TADA2A: variants seen among roughly 807,000 people sequenced by gnomAD.
TADA2A encodes transcriptional adapter 2-alpha.
In TADA2A, 38 loss-of-function variants were observed where a neutral mutation model predicts 67.4. That is an observed-to-expected ratio of 0.56 (90% CI 0.44 to 0.74). The LOEUF is 0.74. Among genes scored for constraint, TADA2A ranks in the 30% least tolerant of loss-of-function variants. The pLI, the probability that TADA2A is intolerant of heterozygous loss-of-function variation, is 0.00. For synonymous variants in TADA2A, 192 were observed against 181.6 expected, an observed-to-expected ratio of 1.06 and a Z score of -0.46; for missense variants, 454 against 547.0, an observed-to-expected ratio of 0.83 and a Z score of 1.70.
At chr17:37,419,032 C>CT (rs1330234623) in intron 2 of TADA2A, among the ~76,000 whole-genome samples, 1 of 146,026 alleles carries the variant, frequency 6.8e-6, no homozygotes, top group Non-Finnish European at 1.5e-5. Flanking sequence ...AGCCCAGCCT[C>CT]TACTTTTGTT....
intron 2 of TADA2A, among the ~76,000 whole-genome samples, chr17:37,412,468 T>C (rs2147897636): frequency 6.6e-6 from 1 of 151,934 alleles, no homozygotes; most frequent in Admixed American, 6.6e-5. Flanking sequence ...TGAAGTAAAT[T>C]CAAGTAGCCA....
intron 5 of TADA2A, among the ~76,000 whole-genome samples, chr17:37,439,939 TTTATTA>T (rs869063339): frequency 0.019 from 410 of 22,072 alleles, 1 homozygote; most frequent in Middle Eastern, 0.067. Context: ...TATTTATTTA[TTTATTA>T]TTTTTTTTTT....
chr17:37,439,934 ATTTATTTATTATTTT>A, intron 5 of TADA2A, among the ~76,000 whole-genome samples: 1 of 88,900 alleles, frequency 1.1e-5, no homozygotes, highest in African/African-American at 4.6e-5. Context: ...TTATTTATTT[ATTTATTTATTATTTT>A]TTTTTTTTTT....
intron 1 of TADA2A, 28 bp downstream of exon 1, chr17:37,406,977 C>T (rs2051559898): frequency 1.9e-5 from 1 of 52,256 alleles, no homozygotes; most frequent in African/African-American, 6.0e-5. Context: ...GCTGGGCGGG[C>T]GGGCGGGCGG....
In TADA2A at chr17:37,478,577, T is replaced by C. The variant is rs1378684051; in HGVS notation, c.*1595T>C. 2.0e-5 allele frequency: 3 copies of C among 152,204 alleles called. No homozygotes were observed. The highest frequency in any genetic ancestry group is 7.2e-5 in the African/African-American group (3 of 41,456). The allele number at this position is 152,204 out of a possible 1,614,324, so 9.4% of individuals were successfully genotyped here. On this transcript the variant is annotated 3_prime_UTR_variant, in exon 16 of 16. Coordinates refer to ENST00000615182, the MANE Select transcript of TADA2A (RefSeq NM_001166105.3). ...TATGAGGGTAAGTAGCCCCACCACA[T>C]GTAAAACTTGGTCCTCAAACGTTTC...
In TADA2A at chr17:37,478,852, C is replaced by CT. The variant is rs925556830; in HGVS notation, c.*1871dup. On this transcript the variant is annotated 3_prime_UTR_variant, in exon 16 of 16. Coordinates refer to ENST00000615182, the MANE Select transcript of TADA2A (RefSeq NM_001166105.3). ...AGGGATAAGAAATGAAAAAGACACT[C>CT]TAAGGACCTGAGGGAATTCAAATAG... is the stretch of plus-strand genomic sequence containing the variant. The CT allele has an allele frequency of 2.0e-4, 31 of 152,174 alleles. No homozygotes were observed. Among genetic ancestry groups the CT allele is most frequent in the African/African-American group, 7.5e-4 (31 of 41,430 alleles). 9.4% of individuals were successfully genotyped at this position (152,174 alleles called of 1,614,324 possible).
chr17:37,458,626 G>T, intron 9 of TADA2A, 39 bp downstream of exon 9: 2 of 1,513,672 alleles, frequency 1.3e-6, no homozygotes, highest in Non-Finnish European at 1.8e-6. Flanking sequence ...TTTCAGCTTT[G>T]GATTATTGTT....
intron 4 of TADA2A, among the ~76,000 whole-genome samples, chr17:37,431,728 C>G (rs1024409866): frequency 2.9e-4 from 44 of 152,108 alleles, no homozygotes; most frequent in Non-Finnish European, 1.0e-4. Context: ...GCACACACCA[C>G]CGTGCCCGGC....
intron 2 of TADA2A, among the ~76,000 whole-genome samples, chr17:37,418,450 A>G (rs917002150): frequency 6.6e-6 from 1 of 152,164 alleles, no homozygotes; most frequent in Non-Finnish European, 1.5e-5. Context: ...GTTGAGTACA[A>G]TTAGGTTATA....
At chr17:37,442,067 G>A (rs2147973727) in intron 6 of TADA2A, among the ~76,000 whole-genome samples, 1 of 152,268 alleles carries the variant, frequency 6.6e-6, no homozygotes, top group South Asian at 2.1e-4. Context: ...GGCAGAGCAA[G>A]TGCTTTTGTT....
chr17:37,406,958 C>A lies in TADA2A; in HGVS notation c.-98+9C>A, dbSNP rs2051555691. 1 of 64,154 alleles carries A rather than the reference C, an allele frequency of 1.6e-5. No individual in the cohort carries two copies. The highest frequency in any genetic ancestry group is 2.7e-5 in the Non-Finnish European group (1 of 37,174). The allele number at this position is 64,154 out of a possible 1,614,324, so 4.0% of individuals were successfully genotyped here. A position where few individuals can be genotyped will look rare whatever the true frequency, so the allele number is the denominator to read the frequency against. ...TAGGGGGTCTCGGCGAGGTGAGGCG[C>A]CAGGCAGCGCTGGGCGGGCGGGCGG... On this transcript the variant is annotated intron_variant, in intron 1 of 15. Coordinates refer to ENST00000615182, the MANE Select transcript of TADA2A (RefSeq NM_001166105.3).
Position 37,421,720 on chromosome 17 carries a change from A to C in TADA2A, c.26-1789A>C, listed in dbSNP as rs1279031554. Among the ~76,000 whole-genome samples, 2 of 146,404 alleles carry C rather than the reference A, an allele frequency of 1.4e-5. 1 individual carries two copies. ...GGTGGGAGGCTCATTTGAGCCTGGG[A>C]GGTTGAGGCTGCATTGAGGCATGAT... On this transcript the variant is annotated intron_variant, in intron 2 of 15. Transcript: ENST00000615182.
chr17:37,436,298 G>A (rs1327296579), intron 4 of TADA2A: 1 of 152,140 alleles, frequency 6.6e-6, no homozygotes, highest in Non-Finnish European at 1.5e-5. Context: ...GTGTGATTAT[G>A]CCTTCAAATT....
chr17:37,422,048 T>A (rs551413913), intron 2 of TADA2A, among the ~76,000 whole-genome samples: 5 of 143,128 alleles, frequency 3.5e-5, no homozygotes, highest in South Asian at 4.7e-4. Flanking sequence ...TTGGCTAATT[T>A]TTTTGTTTTT....
At chr17:37,431,232 C>G (rs1336942858) in intron 4 of TADA2A, among the ~76,000 whole-genome samples, 1 of 152,076 alleles carries the variant, frequency 6.6e-6, no homozygotes, top group African/African-American at 2.4e-5. Context: ...AAACCTCATG[C>G]TTAAAAATGA....
chr17:37,458,564 A>G lies in TADA2A; in HGVS notation c.645A>G (p.Leu215=). 6.2e-7 allele frequency: 1 copy of G among 1,613,054 alleles called. No homozygotes were observed. The highest frequency in any genetic ancestry group is 8.5e-7 in the Non-Finnish European group (1 of 1,179,528). ...TGGTAGATATCTATCATTCCAGGTT[A>G]AAGGAGAGACAAAGACGAAAAAAGT... ...MAVVDIYHSR[L]KERQRRKKII... The change falls in exon 9 of 16, where the codon TTA becomes TTG. Residue 215 remains leucine, a synonymous_variant. Coordinates refer to ENST00000615182, the MANE Select transcript of TADA2A (RefSeq NM_001166105.3).
chr17:37,430,130 A>C (rs551807294), intron 4 of TADA2A, among the ~76,000 whole-genome samples: 1 of 152,328 alleles, frequency 6.6e-6, no homozygotes, highest in Admixed American at 6.5e-5. Context: ...AGCTTTCTTT[A>C]GCTATTCTGG....
At chr17:37,440,395 T>G (rs534647291) in intron 5 of TADA2A, 110 bp from the exon 6 acceptor site, 22 of 1,232,964 alleles carry the variant, frequency 1.8e-5, no homozygotes, top group Admixed American at 2.7e-5. Flanking sequence ...TTTGGAAATA[T>G]GAGAGTATAT....
At chr17:37,418,139 T>C (rs1055536628) in intron 2 of TADA2A, among the ~76,000 whole-genome samples, 1 of 152,342 alleles carries the variant, frequency 6.6e-6, no homozygotes, top group East Asian at 1.9e-4. Flanking sequence ...TCTAGACTTA[T>C]ATACAATTGC....
Sources: allele counts gnomAD v4.1 joint callset (sites outside exome capture counted in the v4.1 genomes callset), GRCh38; gene constraint gnomAD v4.1.1; transcripts MANE v1.5; gene names NCBI Gene and HGNC (gene_info 2026-07-23, HGNC 2026-07-21).